Variants in CHSY3 observed in about 807,000 individuals in gnomAD.
CHSY3 encodes the protein chondroitin sulfate synthase 3, also known as N-acetylgalactosaminyl-proteoglycan 3-beta-glucuronosyltransferase 3.
Under a neutral mutation model 67.2 loss-of-function variants are expected in CHSY3, and 35 were observed. The ratio of observed to expected loss-of-function variants is 0.52; its 90% CI spans 0.40 to 0.69. The LOEUF (loss-of-function observed/expected upper bound fraction) is 0.69. CHSY3 is among the 30% of genes least tolerant of loss of function. The pLI, the probability that CHSY3 is intolerant of heterozygous loss-of-function variation, is 0.00. For missense variants in CHSY3, 1,069 were observed against 1,138.5 expected (o/e 0.94, Z 0.88); for synonymous variants, 474 against 434.7 (o/e 1.09, Z -1.12).
chr5:129,946,514 T>TA (rs1195439081), intron 2 of CHSY3, among the ~76,000 whole-genome samples: 2 of 152,298 alleles, frequency 1.3e-5, no homozygotes, highest in East Asian at 1.9e-4. Flanking sequence ...TTCCATACAC[T>TA]AAAAAAACTA....
chr5:130,047,944 CT>C (rs919801942), intron 2 of CHSY3, among the ~76,000 whole-genome samples: 23 of 147,338 alleles, frequency 1.6e-4, no homozygotes, highest in Non-Finnish European at 2.5e-4. Context: ...GAGTATCAAC[CT>C]TTTTTTTCCT....
At chr5:130,016,931 C>T (rs748447906) in intron 2 of CHSY3, among the ~76,000 whole-genome samples, 1 of 151,912 alleles carries the variant, frequency 6.6e-6, no homozygotes, top group African/African-American at 2.4e-5. Flanking sequence ...GATGATCAAC[C>T]GACACATTAG....
chr5:130,110,518 G>T (rs1767558355), intron 2 of CHSY3, among the ~76,000 whole-genome samples: 1 of 151,806 alleles, frequency 6.6e-6, no homozygotes, highest in South Asian at 2.1e-4. Context: ...CTAATCTTTG[G>T]CTTTCATTCT....
chr5:129,908,852 A>T (rs898365102), intron 2 of CHSY3, among the ~76,000 whole-genome samples: 5 of 152,136 alleles, frequency 3.3e-5, no homozygotes, highest in Admixed American at 3.3e-4. Flanking sequence ...ACATATTTTT[A>T]AAAGTATCAG....
chr5:129,919,670 C>T (rs1011301051), intron 2 of CHSY3, among the ~76,000 whole-genome samples: 4 of 152,158 alleles, frequency 2.6e-5, no homozygotes, highest in East Asian at 3.9e-4. Flanking sequence ...TCAGTTATCT[C>T]CCCCGGGTCC....
chr5:130,184,085 T>C (rs1365397784), intron 2 of CHSY3, 144 bp from the exon 3 acceptor site: 1 of 621,300 alleles, frequency 1.6e-6, no homozygotes, highest in Non-Finnish European at 2.3e-6. Flanking sequence ...TTAAATAATA[T>C]AAATATTACA....
intron 2 of CHSY3, among the ~76,000 whole-genome samples, chr5:130,082,062 CCA>C (rs1304688579): frequency 6.6e-6 from 1 of 151,982 alleles, no homozygotes; most frequent in African/African-American, 2.4e-5. Context: ...CTGGAAATAT[CCA>C]CAGACTGGTG....
At chr5:130,168,153 T>G (rs528872383) in intron 2 of CHSY3, among the ~76,000 whole-genome samples, 2 of 152,288 alleles carry the variant, frequency 1.3e-5, no homozygotes, top group South Asian at 4.1e-4. Flanking sequence ...TTTGTGCTAT[T>G]TCTTGAATGA....
intron 2 of CHSY3, among the ~76,000 whole-genome samples, chr5:130,069,675 A>G (rs1352698684): frequency 6.6e-6 from 1 of 152,030 alleles, no homozygotes; most frequent in Non-Finnish European, 1.5e-5. Context: ...TATGATTTGA[A>G]TCTTCACTAT....
At chr5:129,970,443 TAGATAGAC>T (rs1286892678) in intron 2 of CHSY3, among the ~76,000 whole-genome samples, 19 of 128,866 alleles carry the variant, frequency 1.5e-4, no homozygotes, top group African/African-American at 4.3e-4. Flanking sequence ...GATAGATAGA[TAGATAGAC>T]AGACAGAAAG....
intron 1 of CHSY3, among the ~76,000 whole-genome samples, chr5:129,906,990 G>A (rs1760330012): frequency 6.6e-6 from 1 of 152,060 alleles, no homozygotes; most frequent in Non-Finnish European, 1.5e-5. Context: ...ACTGATAATT[G>A]GATATAAAAA....
At chr5:130,007,418 A>C (rs1481237403) in intron 2 of CHSY3, among the ~76,000 whole-genome samples, 1 of 152,004 alleles carries the variant, frequency 6.6e-6, no homozygotes, top group Admixed American at 6.5e-5. Context: ...TAGAGAATGG[A>C]AGGAGGAAGG....
intron 2 of CHSY3, among the ~76,000 whole-genome samples, chr5:130,081,464 A>G (rs1256963176): frequency 6.6e-6 from 1 of 151,918 alleles, no homozygotes; most frequent in Admixed American, 6.6e-5. Context: ...CCATGAACAT[A>G]GTGTGATGAT....
chr5:130,016,235 A>G (rs1764215582), intron 2 of CHSY3, among the ~76,000 whole-genome samples: 1 of 152,210 alleles, frequency 6.6e-6, no homozygotes, highest in African/African-American at 2.4e-5. Context: ...GAAGAAACAA[A>G]AGAAAAAATA....
chr5:129,977,312 G>C (rs1360559262), intron 2 of CHSY3, among the ~76,000 whole-genome samples: 2 of 152,118 alleles, frequency 1.3e-5, no homozygotes, highest in African/African-American at 4.8e-5. Context: ...TTACTGATTA[G>C]CAGCACAATT....
chr5:129,936,240 G>A (rs1249908063), intron 2 of CHSY3, among the ~76,000 whole-genome samples: 1 of 152,166 alleles, frequency 6.6e-6, no homozygotes, highest in Non-Finnish European at 1.5e-5. Flanking sequence ...TAAAGGCCAA[G>A]CAATTTTGCG....
chr5:129,905,334 C>A lies in CHSY3; in HGVS notation c.505C>A (p.Pro169Thr). ...GGGCGCTGCCGCCCCGAGCGCCCGA[C>A]CCCGGGACTTCCTGTACGTGGGGGT... is the stretch of plus-strand genomic sequence containing the variant. The part of the protein sequence containing the change: ...DGGAAAPSAR[P>T]RDFLYVGVMT... Residue 169 changes from proline (P) to threonine (T), a missense_variant, in exon 1 of 3, where the codon CCC becomes ACC. Physicochemically the swap from Pro to Thr is conservative, Grantham distance 38. Coordinates refer to ENST00000305031, the MANE Select transcript of CHSY3 (RefSeq NM_175856.5). The A allele has an allele frequency of 1.9e-6, 3 of 1,543,632 alleles. No homozygotes were observed. The highest frequency in any genetic ancestry group is 1.9e-5 in the Admixed American group (1 of 51,334).
At chr5:130,064,483 A>T (rs1765818817) in intron 2 of CHSY3, among the ~76,000 whole-genome samples, 1 of 152,140 alleles carries the variant, frequency 6.6e-6, no homozygotes, top group Admixed American at 6.6e-5. Flanking sequence ...TTTTGAAATG[A>T]CTTTTACTTG....
At chr5:129,997,328 CT>C (rs35379453) in intron 2 of CHSY3, among the ~76,000 whole-genome samples, 18 of 151,986 alleles carry the variant, frequency 1.2e-4, no homozygotes, top group South Asian at 4.2e-4. Flanking sequence ...AGTGTTTAAC[CT>C]TTTTTTAACC....
Sources: allele counts gnomAD v4.1 joint callset (sites outside exome capture counted in the v4.1 genomes callset), GRCh38; gene constraint gnomAD v4.1.1; transcripts MANE v1.5; gene names NCBI Gene and HGNC (gene_info 2026-07-23, HGNC 2026-07-21).